SRL: variants seen among roughly 807,000 people sequenced by gnomAD.
SRL encodes sarcalumenin.
A neutral mutation model predicts 39.5 loss-of-function variants in SRL; 23 were observed. The observed-to-expected ratio is 0.58, with a 90% CI of 0.42 to 0.82. SRL has a LOEUF of 0.82. Ranked by LOEUF, SRL falls within the 40% of genes least tolerant of loss-of-function variation. SRL has a pLI of 0.00. For missense variants in SRL, 592 were observed against 607.8 expected (o/e 0.97, Z 0.27); for synonymous variants, 272 against 237.4 (o/e 1.15, Z -1.34).
At chr16:4,199,692 C>CTTTT (rs201684866) in intron 3 of SRL, among the ~76,000 whole-genome samples, 6,973 of 111,246 alleles carry the variant, frequency 0.063, 721 homozygotes, top group African/African-American at 0.22. Context: ...CTTTTCTTTT[C>CTTTT]CTTTTTTTTT....
chr16:4,233,061 T>C (rs1056803774), intron 1 of SRL, among the ~76,000 whole-genome samples: 3 of 152,172 alleles, frequency 2.0e-5, no homozygotes, highest in African/African-American at 7.2e-5. Flanking sequence ...CATCCAAAAA[T>C]ATCTGAGAGA....
At chr16:4,220,769 G>GGGGGATCA (rs2052519217) in intron 1 of SRL, among the ~76,000 whole-genome samples, 1 of 151,854 alleles carries the variant, frequency 6.6e-6, no homozygotes, top group African/African-American at 2.4e-5. Context: ...CAGGGGGATC[G>GGGGGATCA]CTTGAGCCCA....
chr16:4,211,415 A>G (rs576564010), intron 1 of SRL, among the ~76,000 whole-genome samples: 7 of 152,306 alleles, frequency 4.6e-5, no homozygotes, highest in Admixed American at 1.3e-4. Flanking sequence ...TTGTCCTTCA[A>G]TGATGATGGT....
chr16:4,223,515 T>A (rs1241637931), intron 1 of SRL, among the ~76,000 whole-genome samples: 1 of 151,718 alleles, frequency 6.6e-6, no homozygotes, highest in African/African-American at 2.4e-5. Flanking sequence ...GTAGTGGGAC[T>A]ACAGGTGCAT....
At chr16:4,217,849 TG>T (rs541682004) in intron 1 of SRL, among the ~76,000 whole-genome samples, 114 of 152,330 alleles carry the variant, frequency 7.5e-4, no homozygotes, top group African/African-American at 2.6e-3. Context: ...CCGAGCCAGC[TG>T]GCCCTTCACG....
Position 4,203,188 on chromosome 16 carries a change from C to T in SRL, c.237G>A (p.Glu79=), listed in dbSNP as rs867440536. The part of the protein sequence containing the change: ...KPLEQSYKYN[E]LRQHEITDGE... ...TACCTGTGATCTCATGCTGCCGGAGCTCATTGTACTTGTAGGACTGCTCCA... is the reference window on the plus strand; with the variant it reads ...TACCTGTGATCTCATGCTGCCGGAGTTCATTGTACTTGTAGGACTGCTCCA... Residue 79 remains glutamate (E), a synonymous_variant, in exon 3 of 6, where the codon GAG becomes GAA. Coordinates refer to ENST00000399609, the MANE Select transcript of SRL (RefSeq NM_001098814.2). 1.9e-6 allele frequency: 3 copies of T among 1,614,052 alleles called. No homozygotes were observed. Among genetic ancestry groups the T allele is most frequent in the Non-Finnish European group, 1.7e-6 (2 of 1,179,996 alleles).
chr16:4,234,655 C>T (rs924166672), intron 1 of SRL, among the ~76,000 whole-genome samples: 3 of 152,216 alleles, frequency 2.0e-5, no homozygotes, highest in Non-Finnish European at 2.9e-5. Flanking sequence ...ACTGCACCCA[C>T]CCCTGTCACG....
chr16:4,241,929 C>A, intron 1 of SRL, 78 bp downstream of exon 1: 1 of 1,541,854 alleles, frequency 6.5e-7, no homozygotes, highest in Non-Finnish European at 8.9e-7. Flanking sequence ...ACCCCCTACC[C>A]AACCCATGGT....
At chr16:4,213,571 C>T (rs1000360462) in intron 1 of SRL, among the ~76,000 whole-genome samples, 2 of 151,590 alleles carry the variant, frequency 1.3e-5, no homozygotes, top group African/African-American at 4.8e-5. Flanking sequence ...CCACCACATC[C>T]AGCTGATTTT....
chr16:4,213,755 C>A (rs1414369300), intron 1 of SRL, among the ~76,000 whole-genome samples: 4 of 152,176 alleles, frequency 2.6e-5, no homozygotes, highest in Non-Finnish European at 5.9e-5. Context: ...TCAGCTGGGT[C>A]ATCTCCTGCC....
chr16:4,230,436 G>A (rs1277149793), intron 1 of SRL, among the ~76,000 whole-genome samples: 1 of 149,570 alleles, frequency 6.7e-6, no homozygotes, highest in Non-Finnish European at 1.5e-5. Context: ...GCTGGAGTAT[G>A]GTGGTGCGAT....
chr16:4,213,965 C>T (rs2052424861), intron 1 of SRL, among the ~76,000 whole-genome samples: 1 of 152,204 alleles, frequency 6.6e-6, no homozygotes, highest in Admixed American at 6.5e-5. Context: ...CAGAACAAAG[C>T]TCCCTGGGAG....
chr16:4,211,202 A>C (rs928047007), intron 1 of SRL, among the ~76,000 whole-genome samples: 1 of 151,980 alleles, frequency 6.6e-6, no homozygotes, highest in Admixed American at 6.6e-5. Flanking sequence ...CAAAGTTGCA[A>C]ACCACTGCAA....
At chr16:4,234,592 C>T (rs1029844907) in intron 1 of SRL, among the ~76,000 whole-genome samples, 6 of 152,202 alleles carry the variant, frequency 3.9e-5, no homozygotes, top group African/African-American at 1.4e-4. Context: ...CTGCCGCCAT[C>T]GAGGAAATGA....
At chr16:4,201,822 A>C (rs978270438) in intron 3 of SRL, among the ~76,000 whole-genome samples, 1 of 142,144 alleles carries the variant, frequency 7.0e-6, no homozygotes, top group Non-Finnish European at 1.5e-5. Flanking sequence ...GGCAGGGCTA[A>C]TTTTTGTATT....
chr16:4,195,588 G>C lies in SRL; in HGVS notation c.575C>G (p.Pro192Arg), dbSNP rs1435706174. The C allele has an allele frequency of 6.2e-7, 1 of 1,614,158 alleles. No homozygotes were observed. Among genetic ancestry groups the C allele is most frequent in the Non-Finnish European group, 8.5e-7 (1 of 1,180,016 alleles). ...CTGCTTGCGGTTCTCGATGATGCCTGGTGTATCCACAAAAGTGACCCTCTC... is the reference window on the plus strand; with the variant it reads ...CTGCTTGCGGTTCTCGATGATGCCTCGTGTATCCACAAAAGTGACCCTCTC... ...LLERVTFVDT[P>R]GIIENRKQQE... Residue 192 changes from proline (P) to arginine (R), a missense_variant, in exon 5 of 6, where the codon CCA becomes CGA. Transcript: ENST00000399609.
intron 1 of SRL, among the ~76,000 whole-genome samples, chr16:4,230,075 C>G (rs1242043193): frequency 6.6e-6 from 1 of 152,110 alleles, no homozygotes; most frequent in Non-Finnish European, 1.5e-5. Context: ...CCCCTAGGAA[C>G]TGGGCAATTC....
At chr16:4,198,215 C>T (rs1017512884) in intron 3 of SRL, among the ~76,000 whole-genome samples, 4 of 152,204 alleles carry the variant, frequency 2.6e-5, no homozygotes, top group Admixed American at 6.5e-5. Flanking sequence ...GTGAGGTCTC[C>T]TGGTTAAATC....
At chr16:4,227,756 C>T (rs1017528005) in intron 1 of SRL, among the ~76,000 whole-genome samples, 3 of 152,160 alleles carry the variant, frequency 2.0e-5, no homozygotes, top group East Asian at 1.9e-4. Flanking sequence ...TGTCCAGGCC[C>T]GCTTCTCATT....
Sources: allele counts gnomAD v4.1 joint callset (sites outside exome capture counted in the v4.1 genomes callset), GRCh38; gene constraint gnomAD v4.1.1; transcripts MANE v1.5; gene names NCBI Gene and HGNC (gene_info 2026-07-23, HGNC 2026-07-21).